CDK2: variants seen among roughly 807,000 people sequenced by gnomAD.
CDK2 encodes the protein cyclin dependent kinase 2, also known as cyclin-dependent kinase 2.
A neutral mutation model predicts 35.0 loss-of-function variants in CDK2; 8 were observed. That is an observed-to-expected ratio of 0.23 (90% CI 0.13 to 0.41). CDK2 has a LOEUF of 0.41. CDK2 is among the 10% of genes least tolerant of loss of function. The pLI is 1.00. For missense variants in CDK2, 201 were observed against 367.1 expected, an observed-to-expected ratio of 0.55 and a Z score of 3.70; for synonymous variants, 134 against 137.7, an observed-to-expected ratio of 0.97 and a Z score of 0.19.
In CDK2 at chr12:55,967,142, C is replaced by T. The variant is rs1347247661; in HGVS notation, c.116+18C>T. 5.1e-6 allele frequency: 8 copies of T among 1,567,844 alleles called. No homozygotes were observed. Among genetic ancestry groups the T allele is most frequent in the South Asian group, 1.1e-5 (1 of 88,354 alleles). ...CTGGACACGTGAGTGGCCTCTGTAC[C>T]CGGGACTCCTAACTGGGGACCTCCT... On this transcript the variant is annotated intron_variant, in intron 1 of 6. Coordinates refer to ENST00000266970, the MANE Select transcript of CDK2 (RefSeq NM_001798.5).
In CDK2 at chr12:55,966,883, C is replaced by T; in HGVS notation, c.-126C>T. On this transcript the variant is annotated 5_prime_UTR_variant, in exon 1 of 7. Transcript: ENST00000266970. ...AGCGAGAGGTATACTGCGTTCCATC[C>T]CGACCCGGGGCCACGGTACTGGGCC... 1 of 921,344 alleles carries T rather than the reference C, an allele frequency of 1.1e-6. No individual in the cohort carries two copies. Among genetic ancestry groups the T allele is most frequent in the Non-Finnish European group, 1.6e-6 (1 of 612,032 alleles). 57.1% of individuals were successfully genotyped at this position (921,344 alleles called of 1,614,324 possible).
chr12:55,970,288 C>CAAAAAAAA (rs60371110), intron 5 of CDK2, among the ~76,000 whole-genome samples: 2 of 21,876 alleles, frequency 9.1e-5, no homozygotes, highest in Non-Finnish European at 1.5e-4. Flanking sequence ...GATTCCATCT[C>CAAAAAAAA]AAAAAAAAAA....
intron 5 of CDK2, among the ~76,000 whole-genome samples, chr12:55,970,206 G>T (rs1889436501): frequency 6.9e-6 from 1 of 144,864 alleles, no homozygotes; most frequent in Non-Finnish European, 1.5e-5. Flanking sequence ...AGGAGAATCG[G>T]TTGAACCCGG....
At position 55,969,544 on chromosome 12, in the gene CDK2, A is replaced by C. The variant is rs1382743039; in HGVS notation, c.556A>C (p.Ile186Leu). The change falls in exon 5 of 7, where the codon ATC becomes CTC. Residue 186 changes from isoleucine to leucine, a missense_variant. This residue lies in a region of CDK2 where 5 missense variants were observed against 39.5 expected (regional missense o/e 0.13). Transcript: ENST00000266970. ...GCKYYSTAVD[I>L]WSLGCIFAEM... Reference sequence around the variant, plus strand: ...CAAATATTATTCCACAGCTGTGGACATCTGGAGCCTGGGCTGCATCTTTGC... The same window carrying C: ...CAAATATTATTCCACAGCTGTGGACCTCTGGAGCCTGGGCTGCATCTTTGC... 6.2e-7 allele frequency: 1 copy of C among 1,608,836 alleles called. No homozygotes were observed.
In CDK2 at chr12:55,972,082, C is replaced by T. The variant is rs543403721; in HGVS notation, c.*457C>T. ...TTTTGAGAACCAAGTAAAACAAAAC[C>T]ACTGGGAGGAGTCTATTTTAAAGAA... On this transcript the variant is annotated 3_prime_UTR_variant, in exon 7 of 7. Coordinates refer to ENST00000266970, the MANE Select transcript of CDK2 (RefSeq NM_001798.5). The T allele has an allele frequency of 6.3e-6, 1 of 158,826 alleles. No individual in the cohort carries two copies. Among genetic ancestry groups the T allele is most frequent in the Non-Finnish European group, 1.4e-5 (1 of 72,506 alleles). 9.8% of individuals were successfully genotyped at this position (158,826 alleles called of 1,614,324 possible).
intron 3 of CDK2, 57 bp downstream of exon 3, chr12:55,968,226 G>A: frequency 6.3e-7 from 1 of 1,598,112 alleles, no homozygotes; most frequent in Middle Eastern, 1.7e-4. Flanking sequence ...ACTGGTGGCA[G>A]GCAATTCAGG....
At chr12:55,970,787 A>T in intron 5 of CDK2, 1 of 698,408 alleles carries the variant, frequency 1.4e-6, no homozygotes, top group Non-Finnish European at 2.6e-6. Context: ...GGCACCCCAG[A>T]CATTCACCCC....
At chr12:55,969,344 G>T in intron 4 of CDK2, 131 bp from the exon 5 acceptor site, 1 of 496,952 alleles carries the variant, frequency 2.0e-6, no homozygotes. Flanking sequence ...CAGTGGGAGG[G>T]GAAAGATGAT....
chr12:55,968,844 C>A lies in CDK2; in HGVS notation c.382C>A (p.Leu128Ile). Residue 128 changes from leucine to isoleucine, a missense_variant, in exon 4 of 7, where the codon CTT becomes ATT. Physicochemically the swap from Leu to Ile is conservative, Grantham distance 5 (BLOSUM62 2). Transcript: ENST00000266970. ...TTCTCATCGGGTCCTCCACCGAGACCTTAAACCTCAGAATCTGCTTATTAA... is the reference window on the plus strand; with the variant it reads ...TTCTCATCGGGTCCTCCACCGAGACATTAAACCTCAGAATCTGCTTATTAA... ...CHSHRVLHRD[L>I]KPQNLLINTE... The A allele has an allele frequency of 6.2e-7, 1 of 1,613,188 alleles. No homozygotes were observed. The highest frequency in any genetic ancestry group is 8.5e-7 in the Non-Finnish European group (1 of 1,179,658).
In CDK2 at chr12:55,971,701, A is replaced by G. The variant is rs1889481270; in HGVS notation, c.*76A>G. On this transcript the variant is annotated 3_prime_UTR_variant, in exon 7 of 7. Coordinates refer to ENST00000266970, the MANE Select transcript of CDK2 (RefSeq NM_001798.5). ...GCTTGACCAGGCTTGGCCTTGGGCT[A>G]TTTGGACTCAGGTGGGCCCTCTGAA... The G allele has an allele frequency of 2.7e-6, 3 of 1,101,430 alleles. No homozygotes were observed. Among genetic ancestry groups the G allele is most frequent in the African/African-American group, 3.1e-5 (2 of 64,546 alleles). The allele number at this position is 1,101,430 out of a possible 1,614,324, so 68.2% of individuals were successfully genotyped here.
chr12:55,968,264 C>A, intron 3 of CDK2, 95 bp downstream of exon 3: 1 of 1,353,388 alleles, frequency 7.4e-7, no homozygotes, highest in Non-Finnish European at 1.0e-6. Context: ...TGGCCTCCTT[C>A]TGAGCCCTCA....
At chr12:55,967,758 T>C in intron 1 of CDK2, 99 bp from the exon 2 acceptor site, 1 of 932,066 alleles carries the variant, frequency 1.1e-6, no homozygotes, top group Non-Finnish European at 1.7e-6. Context: ...TCCTAGGGGG[T>C]GCTGGGTGGT....
intron 6 of CDK2, 33 bp downstream of exon 6, chr12:55,971,280 T>G: frequency 6.3e-7 from 1 of 1,596,794 alleles, no homozygotes; most frequent in South Asian, 1.1e-5. Context: ...CCTCATTCAT[T>G]TCTCCCAGGG....
In CDK2 at chr12:55,968,948, G is replaced by T. The variant is rs1889407565; in HGVS notation, c.486G>T (p.Glu162Asp). 6.3e-7 allele frequency: 1 copy of T among 1,577,290 alleles called. No individual in the cohort carries two copies. Among genetic ancestry groups the T allele is most frequent in the Admixed American group, 2.0e-5 (1 of 51,068 alleles). The stretch of plus-strand genomic sequence containing the variant: ...TCCCTGTTCGTACTTACACCCATGA[G>T]GTGAGTCCCTTTATGTCTTTTTTCT... ...FGVPVRTYTH[E>D]VVTLWYRAPE... Residue 162 changes from glutamate (E) to aspartate (D), a missense_variant and splice_region_variant, in exon 4 of 7, where the codon GAG becomes GAT. Coordinates refer to ENST00000266970, the MANE Select transcript of CDK2 (RefSeq NM_001798.5).
intron 3 of CDK2, 65 bp from the exon 4 acceptor site, chr12:55,968,713 C>A (rs1015855390): frequency 1.5e-6 from 2 of 1,310,330 alleles, no homozygotes; most frequent in Admixed American, 2.4e-5. Context: ...GTTTTAGGGG[C>A]ACAGAGCAAA....
At chr12:55,968,436 G>A in intron 3 of CDK2, 1 of 491,208 alleles carries the variant, frequency 2.0e-6, no homozygotes, top group Non-Finnish European at 3.6e-6. Context: ...CGGGATTTGA[G>A]AGCACTTGGT....
rs950800908 is a variant in CDK2, at chr12:55,972,372, A to T, written c.*747A>T. The stretch of plus-strand genomic sequence containing the variant: ...TTTTTCTCTTCCTTTTAGTATTCTT[A>T]GTTGTTCAGTTGCCAAGGATCCCTG... On this transcript the variant is annotated 3_prime_UTR_variant, in exon 7 of 7. Coordinates refer to ENST00000266970, the MANE Select transcript of CDK2 (RefSeq NM_001798.5). 2.6e-5 allele frequency: 4 copies of T among 152,094 alleles called. No individual in the cohort carries two copies. Among genetic ancestry groups the T allele is most frequent in the African/African-American group, 9.7e-5 (4 of 41,386 alleles). The allele number at this position is 152,094 out of a possible 1,614,324, so 9.4% of individuals were successfully genotyped here.
chr12:55,967,148 C>A, intron 1 of CDK2, 24 bp downstream of exon 1: 1 of 1,546,566 alleles, frequency 6.5e-7, no homozygotes, highest in Non-Finnish European at 8.9e-7. Flanking sequence ...GTACCCGGGA[C>A]TCCTAACTGG....
Position 55,971,614 on chromosome 12 carries a change from C to G in CDK2, c.886C>G (p.Leu296Val), listed in dbSNP as rs1889477690. 1.2e-6 allele frequency: 2 copies of G among 1,612,446 alleles called. No individual in the cohort carries two copies. The highest frequency in any genetic ancestry group is 1.7e-6 in the Non-Finnish European group (2 of 1,178,526). The change falls in exon 7 of 7, where the codon CTT becomes GTT. Residue 296 changes from leucine (L) to valine (V), a missense_variant. By Grantham distance (32) the Leu-to-Val change is conservative. Around this residue, in one of 5 missense-constraint regions of CDK2, gnomAD observed 106 missense variants for 141.3 expected, o/e 0.75. Transcript: ENST00000266970. ...FQDVTKPVPH[L>V]RL ...GGATGTGACCAAGCCAGTACCCCAT[C>G]TTCGACTCTGATAGCCTTCTTGAAG...
Sources: gnomAD v4.1 joint callset for allele counts (sites outside exome capture counted in the v4.1 genomes callset) on GRCh38, gnomAD v4.1.1 for gene constraint, gnomAD v4.1.1 regional missense constraint, MANE v1.5 for transcripts, NCBI Gene and HGNC (gene_info 2026-07-23, HGNC 2026-07-21) for gene names.